The following SEMA6D variants were observed in gnomAD, a reference collection of about 807,000 sequenced individuals.
SEMA6D encodes semaphorin 6D, also known as semaphorin-6D.
In SEMA6D, 35 loss-of-function variants were observed where a neutral mutation model predicts 106.6. The observed-to-expected ratio is 0.33, with a 90% confidence interval of 0.25 to 0.44. SEMA6D has a LOEUF of 0.44. SEMA6D is among the 20% of genes least tolerant of loss of function. SEMA6D has a pLI of 1.00. For missense variants in SEMA6D, 1,185 were observed against 1,345.9 expected, an observed-to-expected ratio of 0.88 and a Z score of 1.87; for synonymous variants, 499 against 487.7, an observed-to-expected ratio of 1.02 and a Z score of -0.31.
At chr15:47,531,662 C>T (rs1236103966) in intron 3 of SEMA6D, among the ~76,000 whole-genome samples, 2 of 152,160 alleles carry the variant, frequency 1.3e-5, no homozygotes, top group African/African-American at 4.8e-5. Context: ...GGGACATTAC[C>T]AGTCTCCCCC....
chr15:47,686,823 T>TG (rs2145686618), intron 4 of SEMA6D, among the ~76,000 whole-genome samples: 1 of 152,180 alleles, frequency 6.6e-6, no homozygotes, highest in South Asian at 2.1e-4. Context: ...CCCAGCACTT[T>TG]GGGGGACTGA....
At chr15:47,591,755 C>T (rs140854199) in intron 3 of SEMA6D, among the ~76,000 whole-genome samples, 5 of 152,226 alleles carry the variant, frequency 3.3e-5, no homozygotes, top group Non-Finnish European at 5.9e-5. Flanking sequence ...TGGAGAATGA[C>T]ATATGGGAGT....
intron 3 of SEMA6D, among the ~76,000 whole-genome samples, chr15:47,523,832 T>C (rs1374997176): frequency 6.6e-6 from 1 of 152,230 alleles, no homozygotes; most frequent in Non-Finnish European, 1.5e-5. Context: ...TCAATTCATT[T>C]GGACATTTGT....
At chr15:47,304,223 G>T (rs1276878475) in intron 1 of SEMA6D, among the ~76,000 whole-genome samples, 1 of 151,862 alleles carries the variant, frequency 6.6e-6, no homozygotes, top group African/African-American at 2.4e-5. Flanking sequence ...AGCACTTTGG[G>T]AGGCCAAGGT....
At chr15:47,662,857 G>GCGCACA (rs1555405461) in intron 4 of SEMA6D, among the ~76,000 whole-genome samples, 19 of 134,064 alleles carry the variant, frequency 1.4e-4, no homozygotes, top group South Asian at 4.8e-4. Context: ...GTGTATGAGC[G>GCGCACA]CACACACACA....
Position 47,773,132 on chromosome 15 carries a change from A to G in SEMA6D, c.*1347A>G, listed in dbSNP as rs1471453013. 1 of 152,758 alleles carries G rather than the reference A, an allele frequency of 6.5e-6. No individual in the cohort carries two copies. Among genetic ancestry groups the G allele is most frequent in the East Asian group, 1.9e-4 (1 of 5,184 alleles). The allele number at this position is 152,758 out of a possible 1,614,324, so 9.5% of individuals were successfully genotyped here. On this transcript the variant is annotated 3_prime_UTR_variant, in exon 19 of 19. Coordinates refer to ENST00000536845, the MANE Select transcript of SEMA6D (RefSeq NM_001358351.3). ...AAAATCTGTCAAGTGTTTTCAGTAT[A>G]GCACATTATTTACTGAGTGCCAGTT...
chr15:47,667,240 A>G (rs1419514082), intron 4 of SEMA6D, among the ~76,000 whole-genome samples: 1 of 152,244 alleles, frequency 6.6e-6, no homozygotes, highest in African/African-American at 2.4e-5. Flanking sequence ...AAGCAAGAAT[A>G]ACTGGAACCA....
At chr15:47,610,472 T>A (rs1203535193) in intron 4 of SEMA6D, among the ~76,000 whole-genome samples, 2 of 152,186 alleles carry the variant, frequency 1.3e-5, no homozygotes, top group East Asian at 3.9e-4. Context: ...CATGTTTTTT[T>A]ATGCCCTTAA....
At chr15:47,625,005 A>G (rs902899273) in intron 4 of SEMA6D, among the ~76,000 whole-genome samples, 1 of 152,238 alleles carries the variant, frequency 6.6e-6, no homozygotes, top group Non-Finnish European at 1.5e-5. Flanking sequence ...TGCTGCATTA[A>G]TGAACATCCT....
intron 3 of SEMA6D, among the ~76,000 whole-genome samples, chr15:47,543,344 C>A (rs143483143): frequency 6.6e-6 from 1 of 151,962 alleles, no homozygotes; most frequent in East Asian, 1.9e-4. Flanking sequence ...TGGTTTCCCC[C>A]CATACTGTTC....
In SEMA6D at chr15:47,661,595, G is replaced by A. The variant is rs549790667; in HGVS notation, c.-55+60699G>A. ...AGCTCATTCCAGGAAGTGAACAGAG[G>A]AACTGAAGCTTTGGCTCTGTGGGAA... On this transcript the variant is annotated intron_variant, in intron 4 of 19. Transcript: ENST00000558014. Among the ~76,000 whole-genome samples the A allele has an allele frequency of 3.9e-5, 6 of 152,328 alleles. No individual in the cohort carries two copies. The South Asian group carries it at 8.3e-4, about 21-fold the overall frequency.
upstream of SEMA6D, among the ~76,000 whole-genome samples, chr15:47,714,737 C>G (rs978521606): frequency 2.0e-5 from 3 of 152,208 alleles, no homozygotes; most frequent in African/African-American, 7.2e-5. Context: ...CAGTACTTTG[C>G]TGAGTCCTGG....
At chr15:47,205,402 G>A (rs1894994527) in intron 1 of SEMA6D, among the ~76,000 whole-genome samples, 1 of 152,102 alleles carries the variant, frequency 6.6e-6, no homozygotes, top group Admixed American at 6.6e-5. Flanking sequence ...ACATAGTTGT[G>A]CATGGTGACA....
At chr15:47,465,875 G>T (rs2042643146) in intron 2 of SEMA6D, among the ~76,000 whole-genome samples, 1 of 146,038 alleles carries the variant, frequency 6.8e-6, no homozygotes, top group South Asian at 2.2e-4. Context: ...CACCAGTAAA[G>T]GGTCTTGCCA....
At chr15:47,270,281 A>G (rs1309657579) in intron 1 of SEMA6D, among the ~76,000 whole-genome samples, 1 of 150,798 alleles carries the variant, frequency 6.6e-6, no homozygotes, top group Non-Finnish European at 1.5e-5. Flanking sequence ...TCTAATTATG[A>G]TAGTATATAA....
chr15:47,620,709 T>TATAC (rs1555400160), intron 4 of SEMA6D, among the ~76,000 whole-genome samples: 153 of 132,224 alleles, frequency 1.2e-3, no homozygotes, highest in Admixed American at 2.6e-3. Context: ...TATATATATA[T>TATAC]ACACACATAT....
chr15:47,390,035 G>T (rs1282061297), intron 1 of SEMA6D, among the ~76,000 whole-genome samples: 1 of 152,082 alleles, frequency 6.6e-6, no homozygotes, highest in African/African-American at 2.4e-5. Context: ...GTCTCTCTTA[G>T]TTATTCCCAT....
chr15:47,252,002 G>A (rs970739288), intron 1 of SEMA6D, among the ~76,000 whole-genome samples: 7 of 125,514 alleles, frequency 5.6e-5, no homozygotes, highest in East Asian at 2.6e-4. Flanking sequence ...TGCAAGCTCC[G>A]CCTCCCGGGT....
At chr15:47,400,159 G>T (rs2040350607) in intron 1 of SEMA6D, among the ~76,000 whole-genome samples, 1 of 152,154 alleles carries the variant, frequency 6.6e-6, no homozygotes, top group East Asian at 1.9e-4. Flanking sequence ...CAAAATCAGA[G>T]CAGCAAAAGC....
Sources: gnomAD v4.1 joint callset for allele counts (sites outside exome capture counted in the v4.1 genomes callset) on GRCh38, gnomAD v4.1.1 for gene constraint, MANE v1.5 for transcripts, NCBI Gene and HGNC (gene_info 2026-07-23, HGNC 2026-07-21) for gene names.